KCTD16: variants seen among roughly 807,000 people sequenced by gnomAD.
KCTD16 encodes potassium channel tetramerization domain containing 16.
Under a neutral mutation model 33.2 loss-of-function variants are expected in KCTD16, and 13 were observed. The observed-to-expected ratio is 0.39, with a 90% CI of 0.25 to 0.62. KCTD16 has a LOEUF of 0.62. Among genes scored for constraint, KCTD16 ranks in the 20% least tolerant of loss-of-function variants. The pLI is 0.50. For synonymous variants in KCTD16, 197 were observed against 195.3 expected (o/e 1.01, Z -0.07); for missense variants, 441 against 525.1 (o/e 0.84, Z 1.57).
At chr5:144,380,709 A>G (rs1412413371) in intron 3 of KCTD16, among the ~76,000 whole-genome samples, 1 of 152,176 alleles carries the variant, frequency 6.6e-6, no homozygotes, top group African/African-American at 2.4e-5. Flanking sequence ...AACAACAAGC[A>G]ATGGGGGAAA....
chr5:144,387,015 A>G (rs1752338612), intron 3 of KCTD16, among the ~76,000 whole-genome samples: 1 of 152,000 alleles, frequency 6.6e-6, no homozygotes, highest in Non-Finnish European at 1.5e-5. Context: ...CTGTTGGGGT[A>G]CAGTGCAGTG....
chr5:144,191,112 A>T (rs551138231), intron 2 of KCTD16, among the ~76,000 whole-genome samples: 11 of 152,278 alleles, frequency 7.2e-5, no homozygotes, highest in African/African-American at 2.6e-4. Context: ...AATATTTTTT[A>T]ATACTGTTGT....
intron 3 of KCTD16, among the ~76,000 whole-genome samples, chr5:144,428,326 G>C (rs1392614600): frequency 6.6e-6 from 1 of 152,136 alleles, no homozygotes; most frequent in Non-Finnish European, 1.5e-5. Context: ...TCTGATGCTA[G>C]CACTTGTATA....
chr5:144,275,865 G>A (rs372501870), intron 3 of KCTD16, among the ~76,000 whole-genome samples: 3 of 152,032 alleles, frequency 2.0e-5, no homozygotes, highest in Non-Finnish European at 4.4e-5. Context: ...TCCCTAAAAC[G>A]TGGCTCCCAG....
chr5:144,283,168 A>G (rs984652181), intron 3 of KCTD16, among the ~76,000 whole-genome samples: 8 of 152,180 alleles, frequency 5.3e-5, no homozygotes, highest in Admixed American at 2.0e-4. Flanking sequence ...CATTTACATT[A>G]GGTATATCTC....
chr5:144,469,003 C>T (rs561870873), intron 3 of KCTD16, among the ~76,000 whole-genome samples: 3 of 152,070 alleles, frequency 2.0e-5, no homozygotes, highest in Non-Finnish European at 4.4e-5. Flanking sequence ...TGGAAGGGGG[C>T]CAAGTCTAAT....
At chr5:144,179,177 G>T (rs1012380113) in intron 2 of KCTD16, among the ~76,000 whole-genome samples, 1 of 152,126 alleles carries the variant, frequency 6.6e-6, no homozygotes, top group African/African-American at 2.4e-5. Context: ...ACCCTCACAG[G>T]TTCCTAAAGG....
intron 3 of KCTD16, among the ~76,000 whole-genome samples, chr5:144,271,727 G>T (rs1755298547): frequency 6.6e-6 from 1 of 151,362 alleles, no homozygotes; most frequent in Admixed American, 6.6e-5. Context: ...GTTTACAGAT[G>T]ATGTGATCTG....
intron 3 of KCTD16, among the ~76,000 whole-genome samples, chr5:144,319,597 T>C (rs1005180009): frequency 6.6e-6 from 1 of 152,226 alleles, no homozygotes; most frequent in Non-Finnish European, 1.5e-5. Context: ...AGCCTAATTT[T>C]TGGTTCCTTC....
intron 3 of KCTD16, among the ~76,000 whole-genome samples, chr5:144,362,762 C>A (rs1004410204): frequency 6.6e-6 from 1 of 152,114 alleles, no homozygotes; most frequent in Non-Finnish European, 1.5e-5. Flanking sequence ...TACCGTCTGA[C>A]ACACTTGAGC....
chr5:144,213,788 T>C (rs1753475954), intron 3 of KCTD16, among the ~76,000 whole-genome samples: 1 of 152,180 alleles, frequency 6.6e-6, no homozygotes, highest in Non-Finnish European at 1.5e-5. Context: ...ATTCTCTCCA[T>C]TGTTCAAGTT....
chr5:144,353,690 T>C (rs1751500776), intron 3 of KCTD16, among the ~76,000 whole-genome samples: 1 of 152,162 alleles, frequency 6.6e-6, no homozygotes, highest in African/African-American at 2.4e-5. Context: ...TTCTTGTTAG[T>C]GCTATTTTAA....
At chr5:144,373,326 C>A (rs1752012087) in intron 3 of KCTD16, among the ~76,000 whole-genome samples, 1 of 152,122 alleles carries the variant, frequency 6.6e-6, no homozygotes, top group South Asian at 2.1e-4. Flanking sequence ...GGGTGGTAAG[C>A]AAGACATGGG....
chr5:144,398,483 G>T (rs1752628391), intron 3 of KCTD16, among the ~76,000 whole-genome samples: 1 of 152,142 alleles, frequency 6.6e-6, no homozygotes, highest in Admixed American at 6.5e-5. Context: ...CAGGCAGATT[G>T]TTAAGAAAAA....
chr5:144,276,880 G>A (rs926986683), intron 3 of KCTD16, among the ~76,000 whole-genome samples: 124 of 150,620 alleles, frequency 8.2e-4, no homozygotes, highest in Non-Finnish European at 1.1e-3. Flanking sequence ...TCCAGCCTGG[G>A]CAACAGAGTG....
chr5:144,391,361 C>T lies in KCTD16; in HGVS notation c.833-82299C>T, dbSNP rs990470231. Among the ~76,000 whole-genome samples the T allele has an allele frequency of 2.6e-4, 39 of 152,120 alleles. 1 individual carries two copies. The highest frequency in any genetic ancestry group is 1.9e-4 in the African/African-American group (8 of 41,406). On this transcript the variant is annotated intron_variant, in intron 3 of 3. Transcript: ENST00000512467. ...TGAACCTTGATGAAGTTCTTTTGCC[C>T]GATCAATTCCTTTGGGCAGAGATTC...
At chr5:144,345,246 C>G (rs1752765653) in intron 3 of KCTD16, among the ~76,000 whole-genome samples, 4 of 150,816 alleles carry the variant, frequency 2.7e-5, no homozygotes, top group African/African-American at 9.8e-5. Context: ...GGAGATATAC[C>G]TAATGCTAAA....
At chr5:144,203,221 T>G (rs962669451) in intron 2 of KCTD16, among the ~76,000 whole-genome samples, 1 of 152,064 alleles carries the variant, frequency 6.6e-6, no homozygotes, top group African/African-American at 2.4e-5. Flanking sequence ...CTTTTAACTC[T>G]GCAATTTAAA....
intron 3 of KCTD16, among the ~76,000 whole-genome samples, chr5:144,257,562 C>T (rs915333551): frequency 6.6e-6 from 1 of 151,944 alleles, no homozygotes; most frequent in African/African-American, 2.4e-5. Context: ...GATCTCGGCT[C>T]CCTGCAAGCT....
Sources: gnomAD v4.1 joint callset for allele counts (sites outside exome capture counted in the v4.1 genomes callset) on GRCh38, gnomAD v4.1.1 for gene constraint, MANE v1.5 for transcripts, NCBI Gene and HGNC (gene_info 2026-07-23, HGNC 2026-07-21) for gene names.